CDCA7L: variants seen among roughly 807,000 people sequenced by gnomAD.
CDCA7L encodes cell division cycle associated 7 like, also known as cell division cycle-associated 7-like protein.
In CDCA7L, 44 loss-of-function variants were observed where a neutral mutation model predicts 57.4. That is an observed-to-expected ratio of 0.77 (90% confidence interval 0.60 to 0.98). CDCA7L has a LOEUF of 0.98. Ranked by LOEUF, CDCA7L falls within the 50% of genes least tolerant of loss-of-function variation. The pLI is 0.00. For missense variants in CDCA7L, 644 were observed against 580.6 expected (o/e 1.11, Z -1.12); for synonymous variants, 236 against 202.8 (o/e 1.16, Z -1.39).
At position 21,901,081 on chromosome 7, in the gene CDCA7L, A is replaced by G. The variant is rs1398681815; in HGVS notation, c.*1241T>C. 2 of 1,613,876 alleles carry G rather than the reference A, an allele frequency of 1.2e-6. No homozygotes were observed. Among genetic ancestry groups the G allele is most frequent in the East Asian group, 2.2e-5 (1 of 44,884 alleles). Reference sequence around the variant, plus strand: ...GGAGCTGGCATGCCCTATGCCGGTCATCTTTGCAAAAGCCACCCCCGTGGA... The same window carrying G: ...GGAGCTGGCATGCCCTATGCCGGTCGTCTTTGCAAAAGCCACCCCCGTGGA... On this transcript the variant is annotated 3_prime_UTR_variant, in exon 10 of 10. Coordinates refer to ENST00000406877, the MANE Select transcript of CDCA7L (RefSeq NM_018719.5).
At chr7:21,902,389 C>T (rs1340581585) in intron 9 of CDCA7L, 37 bp from the exon 10 acceptor site, 2 of 1,583,728 alleles carry the variant, frequency 1.3e-6, no homozygotes, top group African/African-American at 1.3e-5. Context: ...TAAAGTAGTA[C>T]AAATACACAA....
chr7:21,904,769 C>A (rs1785085179), intron 7 of CDCA7L, among the ~76,000 whole-genome samples: 1 of 150,866 alleles, frequency 6.6e-6, no homozygotes. Flanking sequence ...TAGAATGTAA[C>A]CATCACAGGT....
intron 1 of CDCA7L, among the ~76,000 whole-genome samples, chr7:21,943,515 C>CA (rs1259478008): frequency 1.3e-5 from 2 of 152,242 alleles, no homozygotes; most frequent in Non-Finnish European, 1.5e-5. Flanking sequence ...GGCTGGGGGA[C>CA]AGGGTGGAAC....
At chr7:21,917,300 C>A (rs938325576) in intron 1 of CDCA7L, among the ~76,000 whole-genome samples, 12 of 152,124 alleles carry the variant, frequency 7.9e-5, no homozygotes, top group Non-Finnish European at 1.2e-4. Flanking sequence ...TTAATGTTCA[C>A]CTACACTATT....
rs761110991 is a variant in CDCA7L, at chr7:21,904,180, C to T, written c.1127G>A (p.Arg376Gln). The T allele has an allele frequency of 3.1e-6, 5 of 1,613,836 alleles. No homozygotes were observed. The highest frequency in any genetic ancestry group is 2.5e-6 in the Non-Finnish European group (3 of 1,179,880). The change falls in exon 8 of 10, where the codon CGA (arginine) becomes CAA (glutamine). Residue 376 changes from arginine to glutamine, a missense_variant. Arg to Gln is a conservative substitution (Grantham distance 43, BLOSUM62 1). Coordinates refer to ENST00000406877, the MANE Select transcript of CDCA7L (RefSeq NM_018719.5). The stretch of plus-strand genomic sequence containing the variant: ...CAGGCATGGTCCACAGAACTGTCCT[C>T]GCACACCACAGCAACCCTGGTTCCG... ...VCRNQGCCGVRGQFCGPCLRN... is the reference protein window; with the variant it reads ...VCRNQGCCGVQGQFCGPCLRN...
intron 1 of CDCA7L, among the ~76,000 whole-genome samples, chr7:21,926,034 A>G (rs2128065405): frequency 6.6e-6 from 1 of 152,254 alleles, no homozygotes; most frequent in Non-Finnish European, 1.5e-5. Context: ...CCAAGAGTTC[A>G]AGTTCAGCCT....
Position 21,902,328 on chromosome 7 carries a change from G to T in CDCA7L, c.1359C>A (p.Asp453Glu). The T allele has an allele frequency of 6.2e-7, 1 of 1,613,896 alleles. No homozygotes were observed. The highest frequency in any genetic ancestry group is 8.5e-7 in the Non-Finnish European group (1 of 1,179,850). The change falls in exon 10 of 10, where the codon GAC becomes GAA. Residue 453 changes from aspartate (D) to glutamate (E), a missense_variant. Asp to Glu is a conservative substitution (Grantham distance 45). Coordinates refer to ENST00000406877, the MANE Select transcript of CDCA7L (RefSeq NM_018719.5). The part of the protein sequence containing the change: ...LESLQKELVE[D>E]N ...GGTTCTGTTTGTTTTCCTCTTAATT[G>T]TCTTCTACCAGCTCCTTTTGTAAGC... is the stretch of plus-strand genomic sequence containing the variant.
chr7:21,916,236 C>T (rs1386978268), intron 2 of CDCA7L, among the ~76,000 whole-genome samples: 1 of 152,094 alleles, frequency 6.6e-6, no homozygotes, highest in Non-Finnish European at 1.5e-5. Flanking sequence ...CAATGTGAAC[C>T]TCCAGGAATC....
intron 1 of CDCA7L, among the ~76,000 whole-genome samples, chr7:21,944,045 T>C (rs1172530394): frequency 6.6e-6 from 1 of 152,286 alleles, no homozygotes; most frequent in Admixed American, 6.5e-5. Context: ...GAGTGATAAA[T>C]TCCAGATACA....
At chr7:21,910,165 G>A (rs549332625) in intron 3 of CDCA7L, among the ~76,000 whole-genome samples, 72 of 152,162 alleles carry the variant, frequency 4.7e-4, no homozygotes, top group Non-Finnish European at 8.7e-4. Flanking sequence ...CAAATGCTTC[G>A]AATAACCAGA....
Position 21,906,300 on chromosome 7 carries a change from T to A in CDCA7L, c.910A>T (p.Lys304Ter), listed in dbSNP as rs1250616458. Residue 304 changes from lysine to a stop codon, truncating the protein, a stop_gained, in exon 6 of 10, where the codon AAG becomes TAG. Coordinates refer to ENST00000406877, the MANE Select transcript of CDCA7L (RefSeq NM_018719.5). LOFTEE classifies it high-confidence loss of function. ...AEEFYSFRRR[K>*]TIGGKCREYR... is the part of the protein sequence containing the mutation. ...TAGTCAGAAAATACCCCAATTGTCT[T>A]CCTTCTTCGGAAGCTGTAAAACTCT... The A allele has an allele frequency of 6.3e-7, 1 of 1,595,662 alleles. No individual in the cohort carries two copies. The highest frequency in any genetic ancestry group is 8.5e-7 in the Non-Finnish European group (1 of 1,172,208).
chr7:21,945,863 C>CACGGCCCGGCGCACCAAGA lies in CDCA7L; in HGVS notation c.-78_-60dup, dbSNP rs1786510117. ...CGCGGCCACGGGAGCCCGGACTCACCACGGCCCGGCGCACCAAGAACGCCC... is the reference window on the plus strand; with the variant it reads ...CGCGGCCACGGGAGCCCGGACTCACCACGGCCCGGCGCACCAAGAACGGCCCGGCGCACCAAGAACGCCC... On this transcript the variant is annotated 5_prime_UTR_variant, in exon 1 of 10. Coordinates refer to ENST00000406877, the MANE Select transcript of CDCA7L (RefSeq NM_018719.5). 1.3e-6 allele frequency: 2 copies of CACGGCCCGGCGCACCAAGA among 1,548,166 alleles called. No individual in the cohort carries two copies. The highest frequency in any genetic ancestry group is 3.9e-5 in the Admixed American group (2 of 51,208).
At chr7:21,935,723 G>T (rs1786141372) in intron 1 of CDCA7L, among the ~76,000 whole-genome samples, 1 of 152,002 alleles carries the variant, frequency 6.6e-6, no homozygotes, top group South Asian at 2.1e-4. Flanking sequence ...AAATAAAAAG[G>T]ACTGGCCAGG....
intron 2 of CDCA7L, among the ~76,000 whole-genome samples, chr7:21,914,955 A>G (rs59258063): frequency 0.22 from 32,868 of 152,080 alleles, 4,121 homozygotes; most frequent in East Asian, 0.51. Context: ...CCCTTTAGAC[A>G]TGTTCTGCCT....
chr7:21,915,714 C>T (rs187406418), intron 2 of CDCA7L, among the ~76,000 whole-genome samples: 3 of 150,912 alleles, frequency 2.0e-5, no homozygotes, highest in Non-Finnish European at 4.4e-5. Flanking sequence ...GTAATCCCAG[C>T]TACTCGGGAG....
At chr7:21,904,513 G>A (rs573265161) in intron 7 of CDCA7L, among the ~76,000 whole-genome samples, 55 of 152,252 alleles carry the variant, frequency 3.6e-4, no homozygotes, top group Middle Eastern at 6.8e-3. Flanking sequence ...GAGCATTACC[G>A]CCTGAGCTCT....
intron 1 of CDCA7L, among the ~76,000 whole-genome samples, chr7:21,921,606 T>TTC (rs1554296964): frequency 2.6e-5 from 4 of 151,968 alleles, no homozygotes; most frequent in East Asian, 1.9e-4. Flanking sequence ...TTTTTTTTTT[T>TTC]TTCAAAGTTT....
At chr7:21,937,528 C>T (rs1562637692) in intron 1 of CDCA7L, among the ~76,000 whole-genome samples, 1 of 151,878 alleles carries the variant, frequency 6.6e-6, no homozygotes, top group Non-Finnish European at 1.5e-5. Flanking sequence ...GTCCCGGCTA[C>T]TCGGGAGGCT....
intron 2 of CDCA7L, among the ~76,000 whole-genome samples, chr7:21,915,057 G>A (rs1035547462): frequency 9.2e-5 from 14 of 152,126 alleles, no homozygotes; most frequent in Non-Finnish European, 1.3e-4. Context: ...GGAGCTGACC[G>A]GAGGTCAATC....
Sources: allele counts gnomAD v4.1 joint callset (sites outside exome capture counted in the v4.1 genomes callset), GRCh38; gene constraint gnomAD v4.1.1; transcripts MANE v1.5; gene names NCBI Gene and HGNC (gene_info 2026-07-23, HGNC 2026-07-21).